Variants in MROH2A observed in about 807,000 individuals in gnomAD.
The protein encoded by MROH2A is maestro heat like repeat family member 2A.
In MROH2A, 174 loss-of-function variants were observed where a neutral mutation model predicts 200.4. The ratio of observed to expected loss-of-function variants is 0.87; its 90% confidence interval spans 0.77 to 0.98. MROH2A has a LOEUF of 0.98. Among genes scored for constraint, MROH2A ranks in the 50% least tolerant of loss-of-function variants. The pLI, the probability that MROH2A is intolerant of heterozygous loss-of-function variation, is 0.00. For missense variants in MROH2A, 2,045 were observed against 2,139.6 expected (o/e 0.96, Z 0.87); for synonymous variants, 829 against 840.4 (o/e 0.99, Z 0.23).
intron 3 of MROH2A, among the ~76,000 whole-genome samples, chr2:233,788,938 C>CAAAA (rs56084976): frequency 9.1e-4 from 43 of 47,482 alleles, no homozygotes; most frequent in African/African-American, 1.7e-3. Flanking sequence ...GACTCCGTCT[C>CAAAA]AAAAAAAAAA....
chr2:233,786,793 T>A (rs543158518), intron 3 of MROH2A, among the ~76,000 whole-genome samples: 2 of 152,184 alleles, frequency 1.3e-5, no homozygotes, highest in South Asian at 4.1e-4. Flanking sequence ...AATAAACAAA[T>A]AGGCACATTT....
chr2:233,819,410 GCCTCTGTCA>G lies in MROH2A; in HGVS notation c.3302_3310del (p.Ser1101_Thr1103del). ...GGCCATGAACCTGCAGCATGACAAG[GCCTCTGTCA>G]CCTGGATAGCCTTCTTCCTCCAGAT... On this transcript the variant is annotated inframe_deletion, in exon 30 of 42. Coordinates refer to ENST00000389758, the MANE Select transcript of MROH2A (RefSeq NM_001394639.1). The G allele has an allele frequency of 6.4e-7, 1 of 1,550,604 alleles. No homozygotes were observed. Among genetic ancestry groups the G allele is most frequent in the Non-Finnish European group, 8.7e-7 (1 of 1,146,976 alleles).
rs772734158 is a variant in MROH2A, at chr2:233,802,263, C to A, written c.1656C>A (p.His552Gln). ...TCAGCCTCACAAACCTGGCAGAACA[C>A]CAGCTCCATGGCCAGGATGTGGATG... ...ICISLTNLAE[H>Q]QLHGQDVDVS... The change falls in exon 15 of 42, where the codon CAC (histidine) becomes CAA (glutamine). Residue 552 changes from histidine (H) to glutamine (Q), a missense_variant. Physicochemically the swap from His to Gln is conservative, Grantham distance 24. Coordinates refer to ENST00000389758, the MANE Select transcript of MROH2A (RefSeq NM_001394639.1). 185 of 1,550,440 alleles carry A rather than the reference C, an allele frequency of 1.2e-4. No homozygotes were observed. The highest frequency in any genetic ancestry group is 1.6e-4 in the Non-Finnish European group (181 of 1,146,914).
At chr2:233,779,266 T>C (rs1278611685) in intron 1 of MROH2A, 79 bp from the exon 2 acceptor site, 1 of 849,818 alleles carries the variant, frequency 1.2e-6, no homozygotes, top group Non-Finnish European at 1.9e-6. Flanking sequence ...GATGGCTTTA[T>C]GGAAGGGTGT....
At chr2:233,815,845 C>CT (rs5839494) in intron 26 of MROH2A, among the ~76,000 whole-genome samples, 2,546 of 129,144 alleles carry the variant, frequency 0.02, 41 homozygotes, top group South Asian at 0.054. Flanking sequence ...TTAGATTTTG[C>CT]TTTTTTTTTT....
At chr2:233,782,551 T>G (rs1281298613) in intron 3 of MROH2A, among the ~76,000 whole-genome samples, 2 of 152,254 alleles carry the variant, frequency 1.3e-5, no homozygotes, top group Non-Finnish European at 2.9e-5. Flanking sequence ...TACTGATTTT[T>G]GTATGTTAAT....
upstream of MROH2A, among the ~76,000 whole-genome samples, chr2:233,776,208 G>A (rs956226832): frequency 1.3e-5 from 2 of 152,082 alleles, no homozygotes; most frequent in African/African-American, 2.4e-5. Context: ...AGGATGCTAC[G>A]AATAAAGCGT....
chr2:233,799,783 A>AG lies in MROH2A; in HGVS notation c.1335dup (p.Met446AspfsTer189). The AG allele has an allele frequency of 6.4e-7, 1 of 1,550,424 alleles. No homozygotes were observed. Among genetic ancestry groups the AG allele is most frequent in the Non-Finnish European group, 8.7e-7 (1 of 1,146,952 alleles). On this transcript the variant is annotated frameshift_variant, in exon 13 of 42. Transcript: ENST00000389758. LOFTEE classifies it high-confidence loss of function. The stretch of plus-strand genomic sequence containing the variant: ...GTCCACGGTCCTGTCCCCTCAGGTG[A>AG]GGATGGCTATTCTCCACATCATTGG...
chr2:233,787,533 AT>A (rs1282787467), intron 3 of MROH2A, among the ~76,000 whole-genome samples: 4 of 116,376 alleles, frequency 3.4e-5, no homozygotes, highest in Non-Finnish European at 4.9e-5. Context: ...TATTACATAT[AT>A]CATATATACA....
At chr2:233,823,138 C>T in intron 34 of MROH2A, 120 bp downstream of exon 34, 1 of 1,068,128 alleles carries the variant, frequency 9.4e-7, no homozygotes, top group Non-Finnish European at 1.3e-6. Context: ...TCTGGGGGAA[C>T]TGCCACGCCA....
At chr2:233,819,821 G>C (rs1703812699) in intron 30 of MROH2A, 81 bp from the exon 31 acceptor site, 2 of 1,401,192 alleles carry the variant, frequency 1.4e-6, no homozygotes, top group African/African-American at 2.9e-5. Flanking sequence ...AGAGCCCTTA[G>C]AGCAGGGGCA....
intron 40 of MROH2A, 71 bp downstream of exon 40, chr2:233,832,350 G>A (rs1704822083): frequency 7.4e-7 from 1 of 1,352,236 alleles, no homozygotes; most frequent in East Asian, 2.5e-5. Context: ...GCACTCGGGG[G>A]AAGGGTGGAT....
rs991786126 is a variant in MROH2A at position 233,796,199 on chromosome 2, G to A, written c.1139-1G>A. ...ACTAAAGCTGTCCTTCCACCCTGCA[G>A]CTCGCTCCTACCCCAAGGAGCTGAT... On this transcript the variant is annotated splice_acceptor_variant, in intron 10 of 41. Coordinates refer to ENST00000389758, the MANE Select transcript of MROH2A (RefSeq NM_001394639.1). LOFTEE classifies it high-confidence loss of function. 28 of 1,548,862 alleles carry A rather than the reference G, an allele frequency of 1.8e-5. No homozygotes were observed. The South Asian group carries it at 3.1e-4, about 17-fold the overall frequency.
chr2:233,802,210 T>C lies in MROH2A; in HGVS notation c.1603T>C (p.Tyr535His). The change falls in exon 15 of 42, where the codon TAC becomes CAC. Residue 535 changes from tyrosine to histidine, a missense_variant. Transcript: ENST00000389758. Reference protein sequence around the residue: ...RLLCYIMETDYVEALTPICIS... With the variant: ...RLLCYIMETDHVEALTPICIS... ...GCTGTGCTACATCATGGAGACAGAC[T>C]ACGTGGAAGCTTTGACTCCTATCTG... 6.4e-7 allele frequency: 1 copy of C among 1,550,422 alleles called. No individual in the cohort carries two copies. The highest frequency in any genetic ancestry group is 8.7e-7 in the Non-Finnish European group (1 of 1,146,878).
At position 233,810,833 on chromosome 2, in the gene MROH2A, C is replaced by T. The variant is rs28900672; in HGVS notation, c.2488C>T (p.Gln830Ter). Reference sequence around the variant, plus strand: ...AATGGCCTTCATGAAGAGTGTTGTGCAGGTTACCAAGGCCATCAACAACAT... The same window carrying T: ...AATGGCCTTCATGAAGAGTGTTGTGTAGGTTACCAAGGCCATCAACAACAT... ...LKMAFMKSVVQVTKAINNIKD... is the reference protein window; with the variant it reads ...LKMAFMKSVV The change falls in exon 23 of 42, where the codon CAG (glutamine) becomes TAG (stop). Residue 830 changes from glutamine (Q) to a stop codon, truncating the protein, a stop_gained. Transcript: ENST00000389758. LOFTEE classifies it high-confidence loss of function. 2.0e-3 allele frequency: 3,049 copies of T among 1,550,432 alleles called. 73 individuals are homozygous for T. In the East Asian group the frequency reaches 0.058, roughly 30 times the overall value.
chr2:233,790,265 ATC>A (rs3064745), intron 5 of MROH2A, among the ~76,000 whole-genome samples: 76,238 of 148,810 alleles, frequency 0.51, 19,497 homozygotes, highest in South Asian at 0.6. Context: ...CTGTCTTTCC[ATC>A]TCTCTTTCTT....
chr2:233,787,245 G>A (rs1472279293), intron 3 of MROH2A, among the ~76,000 whole-genome samples: 2 of 151,952 alleles, frequency 1.3e-5, no homozygotes, highest in African/African-American at 4.8e-5. Flanking sequence ...TGTACAGGGT[G>A]CAGTAAGAGT....
intron 3 of MROH2A, among the ~76,000 whole-genome samples, chr2:233,783,253 C>T (rs1701031835): frequency 6.6e-6 from 1 of 152,074 alleles, no homozygotes; most frequent in Admixed American, 6.6e-5. Flanking sequence ...GCAGTATTCC[C>T]TCCTTATCCA....
At chr2:233,788,914 G>A (rs1054718416) in intron 3 of MROH2A, among the ~76,000 whole-genome samples, 56 of 130,894 alleles carry the variant, frequency 4.3e-4, no homozygotes, top group Non-Finnish European at 7.9e-4. Flanking sequence ...ACTCCAGCCC[G>A]GGCGGCAGAG....
Sources: gnomAD v4.1 joint callset for allele counts (sites outside exome capture counted in the v4.1 genomes callset) on GRCh38, gnomAD v4.1.1 for gene constraint, MANE v1.5 for transcripts, NCBI Gene and HGNC (gene_info 2026-07-23, HGNC 2026-07-21) for gene names.